Variants in MS4A4E observed in about 807,000 individuals in gnomAD.
MS4A4E encodes putative membrane-spanning 4-domains subfamily A member 4E.
MS4A4E carries 23 observed loss-of-function variants against 13.3 expected under a neutral mutation model. The ratio of observed to expected loss-of-function variants is 1.73; its 90% CI spans 1.25 to 2.45. The LOEUF (loss-of-function observed/expected upper bound fraction) is 2.45, where lower values mean the gene tolerates loss of function less well. MS4A4E is among the 30% of genes most tolerant of loss of function. The pLI is 0.00. For missense variants in MS4A4E, 144 were observed against 131.2 expected (o/e 1.10, Z -0.48); for synonymous variants, 36 against 45.6 (o/e 0.79, Z 0.85).
At chr11:60,225,665 G>A (rs2084331712) in intron 3 of MS4A4E, among the ~76,000 whole-genome samples, 1 of 151,876 alleles carries the variant, frequency 6.6e-6, no homozygotes, top group Admixed American at 6.6e-5. Flanking sequence ...GCAGTGCTTA[G>A]AAAAAATTTA....
At chr11:60,216,058 T>A (rs1359556735) in intron 3 of MS4A4E, among the ~76,000 whole-genome samples, 1 of 152,210 alleles carries the variant, frequency 6.6e-6, no homozygotes, top group African/African-American at 2.4e-5. Flanking sequence ...TACAGCTGGC[T>A]CTTGGTACTG....
chr11:60,213,987 C>T (rs1490619190), intron 4 of MS4A4E, among the ~76,000 whole-genome samples: 1 of 152,068 alleles, frequency 6.6e-6, no homozygotes, highest in Non-Finnish European at 1.5e-5. Context: ...TCACTGCAAC[C>T]TCCGCCTCCA....
In MS4A4E at chr11:60,213,340, A is replaced by T. The variant is rs914139905; in HGVS notation, c.223-208T>A. ...AAATTCTTCAGATAATTCCTGTGAG[A>T]AGATGAGATAATCTCCAAATCATTT... On this transcript the variant is annotated intron_variant, in intron 4 of 8. Transcript: ENST00000651255. 4.0e-6 allele frequency: 6 copies of T among 1,515,450 alleles called. No individual in the cohort carries two copies. In the South Asian group the frequency reaches 7.2e-5, roughly 18 times the overall value. The allele number at this position is 1,515,450 out of a possible 1,614,324, so 93.9% of individuals were successfully genotyped here.
At position 60,213,457 on chromosome 11, in the gene MS4A4E, A is replaced by C. The variant is rs1590709494; in HGVS notation, c.223-325T>G. The C allele has an allele frequency of 4.7e-6, 3 of 644,962 alleles. No homozygotes were observed. The East Asian group carries it at 8.4e-5, about 18-fold the overall frequency. The allele number at this position is 644,962 out of a possible 1,614,324, so 40.0% of individuals were successfully genotyped here. A position where few individuals can be genotyped will look rare whatever the true frequency, so the allele number is the denominator to read the frequency against. ...CCTTGCTTCTGGTGCCCGATCTCTT[A>C]TCATTGTTCTAAACACTGCTTGCCT... On this transcript the variant is annotated intron_variant, in intron 4 of 8. Coordinates refer to ENST00000651255, the MANE Select transcript of MS4A4E (RefSeq NM_001393391.1).
intron 6 of MS4A4E, among the ~76,000 whole-genome samples, chr11:60,208,300 C>G (rs1458913644): frequency 6.6e-6 from 1 of 152,138 alleles, no homozygotes; most frequent in Non-Finnish European, 1.5e-5. Context: ...TCCTGCTGGT[C>G]TCAAAGAAAA....
At chr11:60,224,018 A>T (rs2084311103) in intron 3 of MS4A4E, among the ~76,000 whole-genome samples, 1 of 152,202 alleles carries the variant, frequency 6.6e-6, no homozygotes, top group African/African-American at 2.4e-5. Flanking sequence ...AAGCTCTATT[A>T]TAAAACTCTA....
At chr11:60,206,961 C>T (rs2084055751) in intron 6 of MS4A4E, among the ~76,000 whole-genome samples, 1 of 152,122 alleles carries the variant, frequency 6.6e-6, no homozygotes, top group Admixed American at 6.5e-5. Context: ...GACCACTGCC[C>T]TGGTCTCGCA....
At chr11:60,213,247 C>A in intron 4 of MS4A4E, 115 bp from the exon 5 acceptor site, 1 of 1,521,828 alleles carries the variant, frequency 6.6e-7, no homozygotes, top group Non-Finnish European at 8.8e-7. Context: ...TCTAACTTGT[C>A]TCCTTATAGT....
At chr11:60,219,031 A>T (rs1022229036) in intron 3 of MS4A4E, among the ~76,000 whole-genome samples, 5 of 152,288 alleles carry the variant, frequency 3.3e-5, no homozygotes, top group African/African-American at 1.2e-4. Flanking sequence ...TGAGCTGAAA[A>T]TGCCTGATCT....
intron 1 of MS4A4E, among the ~76,000 whole-genome samples, chr11:60,241,147 C>G (rs2134979274): frequency 6.6e-6 from 1 of 152,300 alleles, no homozygotes; most frequent in East Asian, 1.9e-4. Flanking sequence ...CCTCAGCCTC[C>G]AGAGTAGCTG....
intron 3 of MS4A4E, among the ~76,000 whole-genome samples, chr11:60,218,077 G>A (rs906221858): frequency 6.6e-6 from 1 of 152,190 alleles, no homozygotes; most frequent in African/African-American, 2.4e-5. Flanking sequence ...GCGCCTGGGG[G>A]TATAGGCCTA....
chr11:60,216,388 C>T (rs1384841679), intron 3 of MS4A4E, among the ~76,000 whole-genome samples: 1 of 152,032 alleles, frequency 6.6e-6, no homozygotes, highest in Non-Finnish European at 1.5e-5. Flanking sequence ...AATGGAGTGA[C>T]CCTATTTGAA....
At chr11:60,214,234 T>C (rs1388101732) in intron 4 of MS4A4E, among the ~76,000 whole-genome samples, 1 of 152,096 alleles carries the variant, frequency 6.6e-6, no homozygotes, top group Non-Finnish European at 1.5e-5. Context: ...AATTGGTCAA[T>C]AAACATTATG....
rs1300514433 is a variant in MS4A4E, at chr11:60,200,680, A to G, written c.*863T>C. On this transcript the variant is annotated 3_prime_UTR_variant, in exon 9 of 9. Coordinates refer to ENST00000651255, the MANE Select transcript of MS4A4E (RefSeq NM_001393391.1). ...TACAGAACAAAATGAAAAGTCTCCC[A>G]TGTCTACTTCTTTCCACACAGACAA... 1.3e-5 allele frequency among the ~76,000 whole-genome samples: 2 copies of G among 152,334 alleles called. No homozygotes were observed. Among genetic ancestry groups the G allele is most frequent in the African/African-American group, 4.8e-5 (2 of 41,584 alleles).
intron 1 of MS4A4E, among the ~76,000 whole-genome samples, chr11:60,232,321 A>ACACACACACACACACACACACACACC (rs556719466): frequency 6.8e-6 from 1 of 147,322 alleles, no homozygotes; most frequent in Admixed American, 6.8e-5. Flanking sequence ...ACACACACAC[A>ACACACACACACACACACACACACACC]CCAAAAATGA....
chr11:60,233,834 C>T (rs1333502237), intron 1 of MS4A4E, among the ~76,000 whole-genome samples: 1 of 152,102 alleles, frequency 6.6e-6, no homozygotes, highest in East Asian at 1.9e-4. Flanking sequence ...GTGGGGCTAC[C>T]TTTGAGATCT....
In MS4A4E at chr11:60,201,397, G is replaced by T; in HGVS notation, c.*146C>A. 5.1e-6 allele frequency: 1 copy of T among 197,746 alleles called. No individual in the cohort carries two copies. Among genetic ancestry groups the T allele is most frequent in the Non-Finnish European group, 1.0e-5 (1 of 95,712 alleles). 12.2% of individuals were successfully genotyped at this position (197,746 alleles called of 1,614,324 possible). ...GAGGGGCTCCTCACTTCTCAGACGG[G>T]GCGGTTGCCAGGCGGAGGGTCTCCT... On this transcript the variant is annotated 3_prime_UTR_variant, in exon 9 of 9. Transcript: ENST00000651255.
intron 1 of MS4A4E, among the ~76,000 whole-genome samples, chr11:60,238,745 A>T (rs2084513992): frequency 6.6e-6 from 1 of 152,190 alleles, no homozygotes; most frequent in Non-Finnish European, 1.5e-5. Context: ...AAGGTGGAAG[A>T]TTAGATTACT....
rs867920160 is a variant in MS4A4E, at chr11:60,201,475, G to T, written c.*68C>A. 2.5e-5 allele frequency: 6 copies of T among 235,978 alleles called. No individual in the cohort carries two copies. Among genetic ancestry groups the T allele is most frequent in the African/African-American group, 7.2e-5 (3 of 41,808 alleles). The allele number at this position is 235,978 out of a possible 1,614,324, so 14.6% of individuals were successfully genotyped here. A position where few individuals can be genotyped will look rare whatever the true frequency, so the allele number is the denominator to read the frequency against. ...AGACGCTCCTCACCTCCCAGACGGGGTCGCGGCCGGGCAGAGGTGCTCCTC... is the reference window on the plus strand; with the variant it reads ...AGACGCTCCTCACCTCCCAGACGGGTTCGCGGCCGGGCAGAGGTGCTCCTC... On this transcript the variant is annotated 3_prime_UTR_variant, in exon 9 of 9. Transcript: ENST00000651255.
Sources: gnomAD v4.1 joint callset for allele counts (sites outside exome capture counted in the v4.1 genomes callset) on GRCh38, gnomAD v4.1.1 for gene constraint, MANE v1.5 for transcripts, NCBI Gene and HGNC (gene_info 2026-07-23, HGNC 2026-07-21) for gene names.